The following SIPA1L3 variants were observed in gnomAD, a reference collection of about 807,000 sequenced individuals.
SIPA1L3 encodes the protein signal-induced proliferation-associated 1-like protein 3.
A neutral mutation model predicts 150.1 loss-of-function variants in SIPA1L3; 59 were observed. That is an observed-to-expected ratio of 0.39 (90% CI 0.32 to 0.49). SIPA1L3 has a LOEUF of 0.49. Ranked by LOEUF, SIPA1L3 falls within the 20% of genes least tolerant of loss-of-function variation. The pLI is 0.86. For synonymous variants in SIPA1L3, 1,070 were observed against 1,077.6 expected (o/e 0.99, Z 0.14); for missense variants, 2,211 against 2,489.5 (o/e 0.89, Z 2.38).
intron 1 of SIPA1L3, among the ~76,000 whole-genome samples, chr19:37,983,188 A>T (rs1243024788): frequency 6.6e-6 from 1 of 152,210 alleles, no homozygotes; most frequent in South Asian, 2.1e-4. Flanking sequence ...TCTAAACAGA[A>T]CTTAACTTGC....
intron 2 of SIPA1L3, among the ~76,000 whole-genome samples, chr19:38,079,162 C>G (rs542305865): frequency 6.6e-6 from 1 of 152,190 alleles, no homozygotes; most frequent in Admixed American, 6.5e-5. Context: ...GAAACCCTGT[C>G]TCTACTAAAA....
At chr19:38,051,977 A>G (rs940264456) in intron 2 of SIPA1L3, among the ~76,000 whole-genome samples, 3 of 152,216 alleles carry the variant, frequency 2.0e-5, no homozygotes, top group Non-Finnish European at 2.9e-5. Flanking sequence ...CACAGTTGTC[A>G]CCAGATTCTT....
chr19:38,192,402 G>A, intron 17 of SIPA1L3, 92 bp downstream of exon 17: 1 of 1,218,246 alleles, frequency 8.2e-7, no homozygotes. Context: ...GCTCCCCACG[G>A]TCACGCCAGC....
At chr19:38,080,524 G>T (rs956770938) in intron 2 of SIPA1L3, among the ~76,000 whole-genome samples, 1 of 152,146 alleles carries the variant, frequency 6.6e-6, no homozygotes, top group African/African-American at 2.4e-5. Context: ...AGACACCTGC[G>T]AGACAATGAT....
chr19:38,125,461 G>A (rs887821400), intron 9 of SIPA1L3, among the ~76,000 whole-genome samples: 2 of 152,148 alleles, frequency 1.3e-5, no homozygotes, highest in Non-Finnish European at 2.9e-5. Flanking sequence ...TCCTCACTGT[G>A]CCACTCTGTC....
intron 1 of SIPA1L3, among the ~76,000 whole-genome samples, chr19:37,982,634 C>T (rs1041585024): frequency 5.3e-5 from 8 of 152,302 alleles, no homozygotes; most frequent in African/African-American, 1.4e-4. Context: ...CAAAGCCCGC[C>T]ATGTAAATGG....
rs776656093 is a variant in SIPA1L3, at chr19:38,082,952, G to T, written c.1387G>T (p.Ala463Ser). The change falls in exon 3 of 22, where the codon GCC (alanine) becomes TCC (serine). Residue 463 changes from alanine to serine, a missense_variant. Ala to Ser is a moderately conservative substitution (Grantham distance 99). Coordinates refer to ENST00000222345, the MANE Select transcript of SIPA1L3 (RefSeq NM_015073.3). ...SSGEGHLAEP[A>S]LSAYRTNASI... Reference sequence around the variant, plus strand: ...CGGCGAGGGCCACCTGGCAGAGCCCGCCCTGAGCGCCTACCGCACCAACGC... The same window carrying T: ...CGGCGAGGGCCACCTGGCAGAGCCCTCCCTGAGCGCCTACCGCACCAACGC... The T allele has an allele frequency of 5.6e-6, 9 of 1,612,924 alleles. No individual in the cohort carries two copies. Among genetic ancestry groups the T allele is most frequent in the Admixed American group, 1.7e-5 (1 of 60,012 alleles).
intron 2 of SIPA1L3, among the ~76,000 whole-genome samples, chr19:38,059,786 CT>C (rs572995144): frequency 2.0e-5 from 3 of 150,944 alleles, no homozygotes; most frequent in South Asian, 2.1e-4. Context: ...TTTTTTTTTC[CT>C]TTTTTTTGAG....
At chr19:38,118,794 A>G (rs1240065335) in intron 8 of SIPA1L3, among the ~76,000 whole-genome samples, 1 of 151,858 alleles carries the variant, frequency 6.6e-6, no homozygotes, top group Non-Finnish European at 1.5e-5. Context: ...TCAGCCTCCC[A>G]AAGTGCTGGG....
At chr19:38,199,034 C>T (rs1973029530) in intron 19 of SIPA1L3, among the ~76,000 whole-genome samples, 1 of 152,182 alleles carries the variant, frequency 6.6e-6, no homozygotes, top group Non-Finnish European at 1.5e-5. Context: ...AGCCAGGGAG[C>T]GGAAGACTTT....
intron 1 of SIPA1L3, among the ~76,000 whole-genome samples, chr19:37,965,524 C>T (rs1471137125): frequency 6.6e-6 from 1 of 151,974 alleles, no homozygotes; most frequent in Non-Finnish European, 1.5e-5. Context: ...CCATGTTGGC[C>T]AGGATGGTCT....
At chr19:37,957,289 A>G (rs961227500) in intron 1 of SIPA1L3, among the ~76,000 whole-genome samples, 2 of 152,218 alleles carry the variant, frequency 1.3e-5, no homozygotes, top group African/African-American at 2.4e-5. Context: ...AAGTTTTCAG[A>G]TCACCTTGTC....
chr19:38,021,178 A>G (rs1482260502), intron 1 of SIPA1L3, among the ~76,000 whole-genome samples: 2 of 152,194 alleles, frequency 1.3e-5, no homozygotes, highest in Non-Finnish European at 2.9e-5. Context: ...GTGGCACAGC[A>G]CGTGGCCCCC....
At chr19:38,075,183 G>A (rs1012579092) in intron 2 of SIPA1L3, among the ~76,000 whole-genome samples, 8 of 152,200 alleles carry the variant, frequency 5.3e-5, no homozygotes, top group African/African-American at 9.6e-5. Context: ...TTTACTGGGC[G>A]TGGTGGCTCA....
chr19:38,044,095 G>A (rs966791788), intron 2 of SIPA1L3, among the ~76,000 whole-genome samples: 1 of 152,168 alleles, frequency 6.6e-6, no homozygotes, highest in Non-Finnish European at 1.5e-5. Flanking sequence ...GAGAGAAAGA[G>A]AGGGGGCTAG....
At chr19:38,160,504 C>T (rs1972057919) in intron 13 of SIPA1L3, among the ~76,000 whole-genome samples, 1 of 151,764 alleles carries the variant, frequency 6.6e-6, no homozygotes, top group African/African-American at 2.4e-5. Flanking sequence ...CAGGTCCAAG[C>T]GATTCTTCTG....
chr19:38,019,666 CA>C (rs1208245214), intron 1 of SIPA1L3, among the ~76,000 whole-genome samples: 1 of 152,150 alleles, frequency 6.6e-6, no homozygotes, highest in African/African-American at 2.4e-5. Flanking sequence ...CCTGGACCTT[CA>C]AGCCTTAAGT....
intron 1 of SIPA1L3, among the ~76,000 whole-genome samples, chr19:37,910,273 A>G (rs910959563): frequency 2.0e-5 from 3 of 152,150 alleles, no homozygotes; most frequent in African/African-American, 7.2e-5. Flanking sequence ...TAGCTATTAG[A>G]ATGAGAGGCT....
chr19:38,193,824 G>A (rs1168446303), intron 18 of SIPA1L3, 44 bp downstream of exon 18: 5 of 1,495,166 alleles, frequency 3.3e-6, no homozygotes, highest in Non-Finnish European at 3.5e-6. Context: ...TTACCCCAAG[G>A]TTGGGAGGTG....
Sources: allele counts gnomAD v4.1 joint callset (sites outside exome capture counted in the v4.1 genomes callset), GRCh38; gene constraint gnomAD v4.1.1; transcripts MANE v1.5; gene names NCBI Gene and HGNC (gene_info 2026-07-23, HGNC 2026-07-21).